Variants in ATL2 observed in about 807,000 individuals in gnomAD.
ATL2 encodes the protein atlastin-2.
Under a neutral mutation model 73.9 loss-of-function variants are expected in ATL2, and 31 were observed. The ratio of observed to expected loss-of-function variants is 0.42; its 90% confidence interval spans 0.32 to 0.57. ATL2 has a LOEUF of 0.57. Among genes scored for constraint, ATL2 ranks in the 20% least tolerant of loss-of-function variants. The pLI, the probability that ATL2 is intolerant of heterozygous loss-of-function variation, is 0.14. For synonymous variants in ATL2, 291 were observed against 237.5 expected, an observed-to-expected ratio of 1.23 and a Z score of -2.07; for missense variants, 738 against 702.6, an observed-to-expected ratio of 1.05 and a Z score of -0.57.
intron 9 of ATL2, 37 bp from the exon 10 acceptor site, chr2:38,300,365 T>A (rs751607211): frequency 1.3e-6 from 2 of 1,499,922 alleles, no homozygotes; most frequent in South Asian, 1.1e-5. Context: ...TGACGGATTA[T>A]GCAATTTGGC....
chr2:38,340,168 TGGTGGG>T (rs1244775029), intron 2 of ATL2, among the ~76,000 whole-genome samples: 2 of 3,424 alleles, frequency 5.8e-4, no homozygotes, highest in African/African-American at 1.3e-3. Flanking sequence ...CAGTTAGTTT[TGGTGGG>T]GGGGGGGGGG....
At chr2:38,355,389 T>C (rs1257506162) in intron 1 of ATL2, among the ~76,000 whole-genome samples, 2 of 152,190 alleles carry the variant, frequency 1.3e-5, no homozygotes, top group East Asian at 3.9e-4. Context: ...GTGCTGGGAT[T>C]ACAGGCGTGA....
rs1185839811 is a variant in ATL2, at chr2:38,343,397, T to C, written c.234A>G (p.Glu78=). 1.2e-6 allele frequency: 2 copies of C among 1,612,980 alleles called. No homozygotes were observed. Among genetic ancestry groups the C allele is most frequent in the Non-Finnish European group, 8.5e-7 (1 of 1,179,884 alleles). ...EDDHNFELDE[E]ALEQILLQEH... ...CCTGTAGCAATATCTGCTCCAAAGCTTCTTCATCAAGTTCAAAGTTATGGT... is the reference window on the plus strand; with the variant it reads ...CCTGTAGCAATATCTGCTCCAAAGCCTCTTCATCAAGTTCAAAGTTATGGT... The change falls in exon 2 of 13, where the codon GAA becomes GAG. Residue 78 remains glutamate (E), a synonymous_variant. Transcript: ENST00000378954.
At chr2:38,356,101 C>A (rs1670651947) in intron 1 of ATL2, among the ~76,000 whole-genome samples, 1 of 151,896 alleles carries the variant, frequency 6.6e-6, no homozygotes, top group Admixed American at 6.6e-5. Flanking sequence ...AAAAATTAGC[C>A]ACATATGTAA....
chr2:38,301,360 C>G (rs1667181753), intron 9 of ATL2, among the ~76,000 whole-genome samples: 1 of 152,290 alleles, frequency 6.6e-6, no homozygotes, highest in Middle Eastern at 3.4e-3. Flanking sequence ...ATCACCACCT[C>G]CAAGGAATAT....
chr2:38,300,295 G>A lies in ATL2; in HGVS notation c.1105C>T (p.Pro369Ser), dbSNP rs754884875. The A allele has an allele frequency of 1.2e-6, 2 of 1,607,568 alleles. No homozygotes were observed. Among genetic ancestry groups the A allele is most frequent in the South Asian group, 2.2e-5 (2 of 90,850 alleles). The change falls in exon 10 of 13, where the codon CCA (proline) becomes TCA (serine). Residue 369 changes from proline to serine, a missense_variant. Transcript: ENST00000378954. ...YIKIYQGEEL[P>S]HPKSMLQATA... ...ACCTGAAGCATGGACTTTGGATGTGGAAGTTCTTCTCCTTGATAGATTTTG... is the reference window on the plus strand; with the variant it reads ...ACCTGAAGCATGGACTTTGGATGTGAAAGTTCTTCTCCTTGATAGATTTTG...
chr2:38,337,096 G>A (rs1428742023), intron 2 of ATL2, among the ~76,000 whole-genome samples: 1 of 151,978 alleles, frequency 6.6e-6, no homozygotes. Flanking sequence ...CCAAGAAAAA[G>A]AGAGGGAGGG....
At chr2:38,355,517 A>G (rs1014358130) in intron 1 of ATL2, among the ~76,000 whole-genome samples, 1 of 152,196 alleles carries the variant, frequency 6.6e-6, no homozygotes, top group African/African-American at 2.4e-5. Context: ...GACATTAATC[A>G]TAAGAAAGCT....
chr2:38,344,092 G>A (rs1049947206), intron 1 of ATL2, among the ~76,000 whole-genome samples: 1 of 151,940 alleles, frequency 6.6e-6, no homozygotes, highest in Non-Finnish European at 1.5e-5. Flanking sequence ...ACTAAATATG[G>A]CCTCTATCTC....
intron 7 of ATL2, among the ~76,000 whole-genome samples, chr2:38,311,581 G>C (rs1373392068): frequency 6.6e-6 from 1 of 152,044 alleles, no homozygotes; most frequent in Non-Finnish European, 1.5e-5. Flanking sequence ...ACATAATATT[G>C]GGTAAAAAAA....
chr2:38,369,341 T>C (rs1240230344), intron 1 of ATL2, among the ~76,000 whole-genome samples: 1 of 152,030 alleles, frequency 6.6e-6, no homozygotes, highest in Non-Finnish European at 1.5e-5. Context: ...TCCCAGCTAC[T>C]TGGGAGGCAG....
intron 4 of ATL2, among the ~76,000 whole-genome samples, chr2:38,317,397 A>C (rs1417028073): frequency 2.0e-5 from 3 of 152,234 alleles, no homozygotes; most frequent in East Asian, 3.8e-4. Context: ...GTGGTAGTTT[A>C]ATTCAGTCCA....
In ATL2 at chr2:38,348,553, T is replaced by C. The variant is rs143945625; in HGVS notation, c.119-5041A>G. The stretch of plus-strand genomic sequence containing the variant: ...GCTAAAATATCACAATGACCAAGTG[T>C]GGAGGTTGGTGATTTTGCTAAAACA... On this transcript the variant is annotated intron_variant, in intron 1 of 12. Coordinates refer to ENST00000378954, the MANE Select transcript of ATL2 (RefSeq NM_001135673.4). Among the ~76,000 whole-genome samples the C allele has an allele frequency of 8.8e-3, 1,328 of 151,334 alleles. 37 individuals carry two copies. The highest frequency in any genetic ancestry group is 8.9e-3 in the Non-Finnish European group (603 of 67,858).
At chr2:38,296,267 G>A in intron 12 of ATL2, 154 bp from the exon 13 acceptor site, 1 of 1,434,644 alleles carries the variant, frequency 7.0e-7, no homozygotes, top group Non-Finnish European at 9.1e-7. Context: ...AACTTATGAT[G>A]CTACTAGACA....
At chr2:38,321,477 T>C (rs971012157) in intron 2 of ATL2, among the ~76,000 whole-genome samples, 8 of 152,198 alleles carry the variant, frequency 5.3e-5, no homozygotes, top group African/African-American at 1.9e-4. Context: ...GAAGATTATT[T>C]TGACACTCCC....
At chr2:38,346,236 T>C (rs1392212730) in intron 1 of ATL2, among the ~76,000 whole-genome samples, 1 of 152,232 alleles carries the variant, frequency 6.6e-6, no homozygotes, top group Non-Finnish European at 1.5e-5. Context: ...CACTTGTCAC[T>C]GCCACAGTAC....
At chr2:38,333,383 T>A (rs1558421188) in intron 2 of ATL2, among the ~76,000 whole-genome samples, 1 of 151,070 alleles carries the variant, frequency 6.6e-6, no homozygotes. Flanking sequence ...TTAATTACCT[T>A]AAAAAAAAAG....
At chr2:38,369,674 C>T (rs1158856355) in intron 1 of ATL2, among the ~76,000 whole-genome samples, 1 of 151,602 alleles carries the variant, frequency 6.6e-6, no homozygotes, top group East Asian at 2.0e-4. Context: ...TTCACTTGAG[C>T]CCAGAAGGTG....
intron 10 of ATL2, among the ~76,000 whole-genome samples, chr2:38,300,001 T>C (rs150392676): frequency 1.6e-3 from 250 of 152,216 alleles, no homozygotes; most frequent in African/African-American, 4.3e-3. Flanking sequence ...TCTTATCAAA[T>C]AGAAATTTTC....
Sources: gnomAD v4.1 joint callset for allele counts (sites outside exome capture counted in the v4.1 genomes callset) on GRCh38, gnomAD v4.1.1 for gene constraint, MANE v1.5 for transcripts, NCBI Gene and HGNC (gene_info 2026-07-23, HGNC 2026-07-21) for gene names.